The following PDE3B variants were observed in gnomAD, a reference collection of about 807,000 sequenced individuals.
PDE3B encodes the protein phosphodiesterase 3B, also known as cGMP-inhibited 3',5'-cyclic phosphodiesterase 3B.
Under a neutral mutation model 116.8 loss-of-function variants are expected in PDE3B, and 66 were observed. The ratio of observed to expected loss-of-function variants is 0.56; its 90% CI spans 0.46 to 0.69. The LOEUF is 0.69. Among genes scored for constraint, PDE3B ranks in the 30% least tolerant of loss-of-function variants. PDE3B has a pLI of 0.00. For missense variants in PDE3B, 1,384 were observed against 1,368.1 expected (o/e 1.01, Z -0.18); for synonymous variants, 595 against 533.6 (o/e 1.12, Z -1.59).
Position 14,644,841 on chromosome 11 carries a change from G to C in PDE3B, c.766G>C (p.Gly256Arg). The change falls in exon 1 of 16, where the codon GGC (glycine) becomes CGC (arginine). Residue 256 changes from glycine to arginine, a missense_variant. By Grantham distance (125) the Gly-to-Arg change is moderately radical. Coordinates refer to ENST00000282096, the MANE Select transcript of PDE3B (RefSeq NM_000922.4). The part of the protein sequence containing the change: ...PLLSGLVGGA[G>R]CLLALGLDHF... ...GCTCTCCGGCCTGGTGGGGGGCGCT[G>C]GCTGCCTGCTGGCCCTGGGGTTGGA... The C allele has an allele frequency of 6.2e-7, 1 of 1,612,388 alleles. No homozygotes were observed. Among genetic ancestry groups the C allele is most frequent in the Non-Finnish European group, 8.5e-7 (1 of 1,179,078 alleles).
intron 1 of PDE3B, among the ~76,000 whole-genome samples, chr11:14,712,106 A>T (rs1443322072): frequency 1.3e-5 from 2 of 152,108 alleles, no homozygotes; most frequent in African/African-American, 4.8e-5. Context: ...ATTTTTTAGA[A>T]ACAGGATCTT....
chr11:14,644,270 T>TC lies in PDE3B; in HGVS notation c.199dup (p.Gln67ProfsTer273). ...TGGAGCTGCGGCCGCCGCCGGCCTC[T>TC]CCCCAGCAGCCGCGGCGCTGCTCCC... is the stretch of plus-strand genomic sequence containing the variant. On this transcript the variant is annotated frameshift_variant, in exon 1 of 16. Coordinates refer to ENST00000282096, the MANE Select transcript of PDE3B (RefSeq NM_000922.4). LOFTEE classifies it high-confidence loss of function. 1 of 1,567,512 alleles carries TC rather than the reference T, an allele frequency of 6.4e-7. No homozygotes were observed. Among genetic ancestry groups the TC allele is most frequent in the Non-Finnish European group, 8.6e-7 (1 of 1,163,828 alleles).
At chr11:14,891,415 G>C in the PDE3B span, 2 of 985,746 alleles carry the variant, frequency 2.0e-6, no homozygotes, top group Non-Finnish European at 2.4e-6. Context: ...ATTCATTCAC[G>C]CGTTCACAAT....
intron 2 of PDE3B, among the ~76,000 whole-genome samples, chr11:14,783,469 T>G (rs576983620): frequency 6.6e-6 from 1 of 152,288 alleles, no homozygotes; most frequent in East Asian, 1.9e-4. Context: ...GGGACATGGA[T>G]GAAGCTGGAA....
At chr11:14,874,811 A>G (rs1167426404), downstream of PDE3B, among the ~76,000 whole-genome samples, 1 of 152,182 alleles carries the variant, frequency 6.6e-6, no homozygotes, top group Non-Finnish European at 1.5e-5. Flanking sequence ...TGTCACATTT[A>G]TGCCACCATT....
the PDE3B span, chr11:14,891,460 T>A: frequency 1.0e-6 from 1 of 986,136 alleles, no homozygotes; most frequent in Non-Finnish European, 1.2e-6. Flanking sequence ...TCAGGGGCGT[T>A]CCCCTGCATT....
intron 14 of PDE3B, among the ~76,000 whole-genome samples, chr11:14,866,120 G>A (rs1366905071): frequency 2.6e-5 from 4 of 152,062 alleles, no homozygotes; most frequent in African/African-American, 9.7e-5. Context: ...AGGATTAAAT[G>A]AACTAATATA....
chr11:14,643,906 C>T lies in PDE3B; in HGVS notation c.-170C>T. On this transcript the variant is annotated 5_prime_UTR_variant, in exon 1 of 16. Coordinates refer to ENST00000282096, the MANE Select transcript of PDE3B (RefSeq NM_000922.4). ...TCAGCCAGCATGTCCCGGACTCCGC[C>T]GCTCCTCAGTCCGCGCGGTGGGGAC... The T allele has an allele frequency of 3.0e-6, 3 of 1,000,106 alleles. No homozygotes were observed. The highest frequency in any genetic ancestry group is 4.0e-6 in the Non-Finnish European group (3 of 741,926). The allele number at this position is 1,000,106 out of a possible 1,614,324, so 62.0% of individuals were successfully genotyped here.
chr11:14,724,714 T>C (rs758264880), intron 1 of PDE3B, among the ~76,000 whole-genome samples: 41 of 152,118 alleles, frequency 2.7e-4, no homozygotes, highest in Non-Finnish European at 5.7e-4. Context: ...TGGGCAAATA[T>C]ATGGTAATTG....
chr11:14,849,648 A>G (rs1008992927), intron 12 of PDE3B, among the ~76,000 whole-genome samples: 1 of 151,594 alleles, frequency 6.6e-6, no homozygotes, highest in African/African-American at 2.4e-5. Context: ...CAAGAAAAAA[A>G]CACACAACCC....
intron 14 of PDE3B, among the ~76,000 whole-genome samples, chr11:14,866,730 C>G (rs1848054653): frequency 6.6e-6 from 1 of 152,174 alleles, no homozygotes. Context: ...AGTTCAGACA[C>G]TAGGACTAAA....
intron 1 of PDE3B, among the ~76,000 whole-genome samples, chr11:14,707,862 G>C (rs1479890801): frequency 2.6e-5 from 4 of 151,978 alleles, no homozygotes; most frequent in Non-Finnish European, 5.9e-5. Context: ...ATAGTATTTG[G>C]ATACCTTATA....
At chr11:14,772,068 A>G (rs770100130) in intron 2 of PDE3B, 81 bp downstream of exon 2, 8 of 653,528 alleles carry the variant, frequency 1.2e-5, no homozygotes, top group Non-Finnish European at 2.2e-5. Flanking sequence ...AACTTTTGAC[A>G]CTTAAAGTTA....
In PDE3B at chr11:14,646,456, AATAG is replaced by A. The variant is rs1473779098; in HGVS notation, c.978+1408_978+1411del. ...GTTTTCTCAGTTTACTACCAGTGAT[AATAG>A]ATAGTACTTTAGGAAAATGTGTGTC... is the stretch of plus-strand genomic sequence containing the variant. On this transcript the variant is annotated intron_variant, in intron 1 of 15. Coordinates refer to ENST00000282096, the MANE Select transcript of PDE3B (RefSeq NM_000922.4). Among the ~76,000 whole-genome samples the A allele has an allele frequency of 2.0e-5, 3 of 152,322 alleles. No homozygotes were observed. The South Asian group carries it at 6.2e-4, about 32-fold the overall frequency.
At chr11:14,798,570 T>C (rs1002758858) in intron 4 of PDE3B, among the ~76,000 whole-genome samples, 1 of 152,222 alleles carries the variant, frequency 6.6e-6, no homozygotes, top group Non-Finnish European at 1.5e-5. Context: ...CTGGACTTTT[T>C]TTTGGTTGGT....
At chr11:14,709,793 A>G (rs1462157642) in intron 1 of PDE3B, among the ~76,000 whole-genome samples, 1 of 152,152 alleles carries the variant, frequency 6.6e-6, no homozygotes, top group East Asian at 1.9e-4. Context: ...CTGTTAGACT[A>G]TTGGATATTT....
At chr11:14,699,083 A>G (rs955122692) in intron 1 of PDE3B, 1 of 151,968 alleles carries the variant, frequency 6.6e-6, no homozygotes, top group African/African-American at 2.4e-5. Context: ...AAGCTTTATA[A>G]TTCTGTTGGC....
At chr11:14,853,965 T>C (rs1441738096) in intron 12 of PDE3B, among the ~76,000 whole-genome samples, 3 of 152,212 alleles carry the variant, frequency 2.0e-5, no homozygotes, top group African/African-American at 4.8e-5. Flanking sequence ...TGGATTAAGA[T>C]GACTAAACAC....
In PDE3B at chr11:14,789,197, A is replaced by G; in HGVS notation, c.1370A>G (p.Asp457Gly). 6.2e-6 allele frequency: 10 copies of G among 1,610,702 alleles called. No homozygotes were observed. The highest frequency in any genetic ancestry group is 8.5e-6 in the Non-Finnish European group (10 of 1,177,750). The change falls in exon 4 of 16, where the codon GAT becomes GGT. Residue 457 changes from aspartate to glycine, a missense_variant. Physicochemically the swap from Asp to Gly is moderately conservative, Grantham distance 94. Coordinates refer to ENST00000282096, the MANE Select transcript of PDE3B (RefSeq NM_000922.4). ...LLPVEQSSRW[D>G]RNNGKRPHQE... Reference sequence around the variant, plus strand: ...CCTGTTGAACAGTCTTCAAGGTGGGATCGTAATAATGGCAAAAGACCTCAC... The same window carrying G: ...CCTGTTGAACAGTCTTCAAGGTGGGGTCGTAATAATGGCAAAAGACCTCAC...
Sources: allele counts gnomAD v4.1 joint callset (sites outside exome capture counted in the v4.1 genomes callset), GRCh38; gene constraint gnomAD v4.1.1; transcripts MANE v1.5; gene names NCBI Gene and HGNC (gene_info 2026-07-23, HGNC 2026-07-21).